The following GLIPR1L2 variants were observed in gnomAD, a reference collection of about 807,000 sequenced individuals.
GLIPR1L2 encodes the protein GLIPR1 like 2, also known as GLIPR1-like protein 2.
Under a neutral mutation model 28.4 loss-of-function variants are expected in GLIPR1L2, and 21 were observed. That is an observed-to-expected ratio of 0.74 (90% CI 0.52 to 1.06). GLIPR1L2 has a LOEUF of 1.06. Ranked by LOEUF, GLIPR1L2 falls within the 50% of genes least tolerant of loss-of-function variation. The pLI, the probability that GLIPR1L2 is intolerant of heterozygous loss-of-function variation, is 0.00. For missense variants in GLIPR1L2, 476 were observed against 416.9 expected (o/e 1.14, Z -1.23); for synonymous variants, 145 against 139.3 (o/e 1.04, Z -0.29).
chr12:75,394,786 A>G (rs1262680787), intron 1 of GLIPR1L2, among the ~76,000 whole-genome samples: 4 of 126,296 alleles, frequency 3.2e-5, no homozygotes, highest in Non-Finnish European at 6.9e-5. Flanking sequence ...AAAAAAAAAC[A>G]TTATTGGGAT....
At chr12:75,425,390 G>A (rs1376713568) in intron 4 of GLIPR1L2, among the ~76,000 whole-genome samples, 1 of 152,154 alleles carries the variant, frequency 6.6e-6, no homozygotes, top group Non-Finnish European at 1.5e-5. Context: ...CACACATGAG[G>A]TGTCTGAGTG....
intron 1 of GLIPR1L2, among the ~76,000 whole-genome samples, chr12:75,409,788 A>G (rs2045845474): frequency 6.8e-6 from 1 of 146,922 alleles, no homozygotes; most frequent in Non-Finnish European, 1.5e-5. Context: ...AATCTGATAT[A>G]TATAAGATGT....
At chr12:75,429,938 C>CT (rs34354324) in intron 4 of GLIPR1L2, among the ~76,000 whole-genome samples, 39,357 of 128,576 alleles carry the variant, frequency 0.31, 6,337 homozygotes, top group Middle Eastern at 0.38. Context: ...TCTTTTCTTT[C>CT]TTTTTTTTTT....
intron 3 of GLIPR1L2, 71 bp downstream of exon 3, chr12:75,413,772 A>G (rs1200140737): frequency 1.5e-6 from 1 of 654,658 alleles, no homozygotes; most frequent in African/African-American, 1.9e-5. Context: ...CTAACTTTTA[A>G]TATATTTTTA....
chr12:75,407,405 T>A (rs1427581846), intron 1 of GLIPR1L2, among the ~76,000 whole-genome samples: 1 of 152,070 alleles, frequency 6.6e-6, no homozygotes, highest in Non-Finnish European at 1.5e-5. Context: ...AAGGGAAAAT[T>A]AAAAGACAGA....
intron 3 of GLIPR1L2, among the ~76,000 whole-genome samples, chr12:75,414,197 G>A (rs987945895): frequency 4.6e-5 from 7 of 151,912 alleles, no homozygotes; most frequent in African/African-American, 1.4e-4. Context: ...ACATCTTTTA[G>A]TCAAGCTATT....
intron 1 of GLIPR1L2, among the ~76,000 whole-genome samples, chr12:75,398,526 A>T (rs961146587): frequency 2.6e-5 from 4 of 152,006 alleles, no homozygotes; most frequent in Admixed American, 2.6e-4. Context: ...ACTTTCTTAC[A>T]TTCTTGGATG....
chr12:75,413,407 A>G (rs1254579012), intron 2 of GLIPR1L2, among the ~76,000 whole-genome samples, 191 bp from the exon 3 acceptor site: 1 of 151,982 alleles, frequency 6.6e-6, no homozygotes, highest in Non-Finnish European at 1.5e-5. Context: ...TGAAGTATTT[A>G]TCTAAATATA....
At chr12:75,415,854 C>A (rs1001454467) in intron 3 of GLIPR1L2, among the ~76,000 whole-genome samples, 3 of 152,102 alleles carry the variant, frequency 2.0e-5, no homozygotes, top group African/African-American at 7.2e-5. Context: ...CTAAAGAAAA[C>A]TCTCTGCTTT....
At chr12:75,399,733 G>A (rs951368952) in intron 1 of GLIPR1L2, among the ~76,000 whole-genome samples, 1 of 152,026 alleles carries the variant, frequency 6.6e-6, no homozygotes, top group Non-Finnish European at 1.5e-5. Context: ...TAACATTTTT[G>A]TGTAGCTGAC....
intron 1 of GLIPR1L2, among the ~76,000 whole-genome samples, chr12:75,402,000 G>GA (rs74682242): frequency 5.3e-5 from 8 of 151,280 alleles, no homozygotes; most frequent in African/African-American, 1.2e-4. Context: ...GCAAGAACTG[G>GA]AAAAAAAATA....
intron 4 of GLIPR1L2, among the ~76,000 whole-genome samples, chr12:75,425,669 G>T (rs2046027098): frequency 6.6e-6 from 1 of 152,150 alleles, no homozygotes; most frequent in South Asian, 2.1e-4. Flanking sequence ...AGATTCAAAT[G>T]TAACCTGACA....
chr12:75,423,013 A>G (rs778824834), intron 4 of GLIPR1L2, 24 bp downstream of exon 4: 8 of 1,605,732 alleles, frequency 5.0e-6, no homozygotes, highest in Non-Finnish European at 6.8e-6. Flanking sequence ...AATAAACATG[A>G]AAAAAATGCA....
chr12:75,405,317 C>T (rs1273013752), intron 1 of GLIPR1L2, among the ~76,000 whole-genome samples: 1 of 152,132 alleles, frequency 6.6e-6, no homozygotes, highest in African/African-American at 2.4e-5. Flanking sequence ...ACTGTTACTG[C>T]TTGAGACCGT....
At position 75,429,937 on chromosome 12, in the gene GLIPR1L2, TC is replaced by T. The variant is rs1238776305; in HGVS notation, c.671-777del. On this transcript the variant is annotated intron_variant, in intron 4 of 5. Coordinates refer to ENST00000550916, the MANE Select transcript of GLIPR1L2 (RefSeq NM_001270396.2). ...ACCTTTTCTTTTCTTTTCTTTTCTT[TC>T]TTTTTTTTTTTTTTTTGAGACAGAG... Among the ~76,000 whole-genome samples the T allele has an allele frequency of 7.0e-4, 50 of 70,944 alleles. 1 individual carries two copies. Among genetic ancestry groups the T allele is most frequent in the Middle Eastern group, 7.2e-3 (1 of 138 alleles). The allele number at this position is 70,944 out of a possible 152,430, so 46.5% of individuals were successfully genotyped here. A position where few individuals can be genotyped will look rare whatever the true frequency, so the allele number is the denominator to read the frequency against.
At chr12:75,397,567 C>G (rs1287976345) in intron 1 of GLIPR1L2, among the ~76,000 whole-genome samples, 1 of 152,126 alleles carries the variant, frequency 6.6e-6, no homozygotes, top group African/African-American at 2.4e-5. Flanking sequence ...TTTTGCCTTA[C>G]TCCCCTGTTA....
At chr12:75,396,508 T>C (rs1459799798) in intron 1 of GLIPR1L2, among the ~76,000 whole-genome samples, 3 of 152,196 alleles carry the variant, frequency 2.0e-5, no homozygotes, top group Non-Finnish European at 4.4e-5. Flanking sequence ...GGAGTGTGAA[T>C]AGTAAACTTA....
intron 3 of GLIPR1L2, among the ~76,000 whole-genome samples, chr12:75,418,514 G>T (rs1055692001): frequency 6.6e-6 from 1 of 152,086 alleles, no homozygotes; most frequent in Non-Finnish European, 1.5e-5. Flanking sequence ...GCTTGTTTAT[G>T]TCAGGTTTTT....
At chr12:75,430,002 C>G (rs1427056487) in intron 4 of GLIPR1L2, among the ~76,000 whole-genome samples, 1 of 143,684 alleles carries the variant, frequency 7.0e-6, no homozygotes, top group African/African-American at 2.6e-5. Context: ...ATGGCACCAT[C>G]TTGGCTCACT....
Sources: allele counts gnomAD v4.1 joint callset (sites outside exome capture counted in the v4.1 genomes callset), GRCh38; gene constraint gnomAD v4.1.1; transcripts MANE v1.5; gene names NCBI Gene and HGNC (gene_info 2026-07-23, HGNC 2026-07-21).